Variants in ABCB10 observed in about 807,000 individuals in gnomAD.
The protein encoded by ABCB10 is ATP-binding cassette sub-family B member 10, mitochondrial.
A neutral mutation model predicts 65.4 loss-of-function variants in ABCB10; 54 were observed. The observed-to-expected ratio is 0.83, with a 90% confidence interval of 0.66 to 1.04. ABCB10 has a LOEUF of 1.04. ABCB10 is among the 50% of genes least tolerant of loss of function. The pLI is 0.00. For missense variants in ABCB10, 846 were observed against 976.6 expected, an observed-to-expected ratio of 0.87 and a Z score of 1.78; for synonymous variants, 418 against 406.5, an observed-to-expected ratio of 1.03 and a Z score of -0.34.
intron 8 of ABCB10, among the ~76,000 whole-genome samples, chr1:229,528,414 C>G (rs1397492919): frequency 2.0e-5 from 3 of 152,074 alleles, no homozygotes; most frequent in Non-Finnish European, 4.4e-5. Flanking sequence ...ATCCTCCCAC[C>G]TCTGCCTCCC....
At chr1:229,545,889 G>A (rs1264755584) in intron 3 of ABCB10, among the ~76,000 whole-genome samples, 1 of 152,158 alleles carries the variant, frequency 6.6e-6, no homozygotes. Context: ...CTTTTGTGAT[G>A]AGCCGGGCGC....
Position 229,543,274 on chromosome 1 carries a change from C to T in ABCB10, c.922-903G>A, listed in dbSNP as rs141931215. Reference sequence around the variant, plus strand: ...GCAGGATGGATCTGGGCTCAATATACTGAGGAGCTTCTAGCAATTGGAATT... The same window carrying T: ...GCAGGATGGATCTGGGCTCAATATATTGAGGAGCTTCTAGCAATTGGAATT... On this transcript the variant is annotated intron_variant, in intron 3 of 12. Transcript: ENST00000344517. Among the ~76,000 whole-genome samples, 25 of 152,200 alleles carry T rather than the reference C, an allele frequency of 1.6e-4. No individual in the cohort carries two copies. In the East Asian group the frequency reaches 4.8e-3, roughly 29 times the overall value.
chr1:229,521,536 G>A (rs1571955199), intron 11 of ABCB10, 56 bp downstream of exon 11: 1 of 1,507,678 alleles, frequency 6.6e-7, no homozygotes, highest in East Asian at 2.3e-5. Context: ...AAATTACAAG[G>A]TCCCTAATAA....
At chr1:229,539,806 G>A (rs2102698354) in intron 5 of ABCB10, among the ~76,000 whole-genome samples, 1 of 152,230 alleles carries the variant, frequency 6.6e-6, no homozygotes, top group African/African-American at 2.4e-5. Context: ...TATAAGCTAA[G>A]TCTCCCATCA....
intron 10 of ABCB10, among the ~76,000 whole-genome samples, chr1:229,522,605 T>C (rs1462949438): frequency 2.0e-5 from 3 of 152,200 alleles, no homozygotes; most frequent in East Asian, 1.9e-4. Context: ...CAGGATCTCA[T>C]AGTTGGTAAG....
At chr1:229,535,930 T>C (rs1314970037) in intron 6 of ABCB10, among the ~76,000 whole-genome samples, 1 of 152,096 alleles carries the variant, frequency 6.6e-6, no homozygotes, top group Non-Finnish European at 1.5e-5. Flanking sequence ...TTTGCCATGT[T>C]GGCCAGGCTG....
At chr1:229,526,631 A>ACC (rs1233577098) in intron 9 of ABCB10, among the ~76,000 whole-genome samples, 1 of 152,218 alleles carries the variant, frequency 6.6e-6, no homozygotes, top group Non-Finnish European at 1.5e-5. Context: ...GGATGAGCTA[A>ACC]TCACAAAGAG....
intron 1 of ABCB10, among the ~76,000 whole-genome samples, chr1:229,554,099 T>C (rs918565134): frequency 1.3e-5 from 2 of 152,230 alleles, no homozygotes; most frequent in Non-Finnish European, 2.9e-5. Context: ...CTTTGGTTTT[T>C]AGACATGTTT....
At chr1:229,534,531 G>C (rs967314710) in intron 6 of ABCB10, among the ~76,000 whole-genome samples, 1 of 151,742 alleles carries the variant, frequency 6.6e-6, no homozygotes, top group South Asian at 2.1e-4. Flanking sequence ...TTCAAGACCA[G>C]CCTGGCCAAC....
At position 229,530,239 on chromosome 1, in the gene ABCB10, T is replaced by C. The variant is rs1327136750; in HGVS notation, c.1605A>G (p.Thr535=). ...LVGPSGSGKS[T]VLSLLLRLYD... is the part of the protein sequence containing the mutation. ...ACAACCTCAGCAGGAGTGAAAGCACTGTTGATTTGCCAGAACCACTTGGGC... is the reference window on the plus strand; with the variant it reads ...ACAACCTCAGCAGGAGTGAAAGCACCGTTGATTTGCCAGAACCACTTGGGC... The change falls in exon 8 of 13, where the codon ACA becomes ACG. Residue 535 remains threonine (T), a synonymous_variant. Coordinates refer to ENST00000344517, the MANE Select transcript of ABCB10 (RefSeq NM_012089.3). 1 of 1,614,112 alleles carries C rather than the reference T, an allele frequency of 6.2e-7. No homozygotes were observed. Among genetic ancestry groups the C allele is most frequent in the Non-Finnish European group, 8.5e-7 (1 of 1,180,014 alleles).
chr1:229,553,273 G>A (rs1663162006), intron 1 of ABCB10, among the ~76,000 whole-genome samples: 2 of 152,096 alleles, frequency 1.3e-5, no homozygotes, highest in African/African-American at 4.8e-5. Flanking sequence ...ACTATGCCTG[G>A]CTAATTTTGT....
intron 9 of ABCB10, 109 bp from the exon 10 acceptor site, chr1:229,526,225 G>C: frequency 1.7e-6 from 2 of 1,155,686 alleles, no homozygotes; most frequent in Non-Finnish European, 2.4e-6. Context: ...CCATGAACAG[G>C]ATTTTATCAT....
Position 229,539,544 on chromosome 1 carries a change from T to C in ABCB10, c.1251A>G (p.Gly417=). Residue 417 remains glycine (G), a synonymous_variant, in exon 6 of 13, where the codon GGA becomes GGG. Transcript: ENST00000344517. The stretch of plus-strand genomic sequence containing the variant: ...TGTGGGCACTGCCCATCAGCAGCCC[T>C]CCTTTGTACAGGACAGAAAGCACGA... ...NLIVLSVLYK[G]GLLMGSAHMT... is the part of the protein sequence containing the mutation. The C allele has an allele frequency of 6.2e-7, 1 of 1,614,070 alleles. No homozygotes were observed. The highest frequency in any genetic ancestry group is 1.7e-4 in the Middle Eastern group (1 of 6,052).
At chr1:229,532,326 C>G (rs1662605927) in intron 6 of ABCB10, among the ~76,000 whole-genome samples, 1 of 152,136 alleles carries the variant, frequency 6.6e-6, no homozygotes, top group South Asian at 2.1e-4. Context: ...ACTCATCAAC[C>G]ACTGGATTAA....
intron 10 of ABCB10, among the ~76,000 whole-genome samples, chr1:229,523,289 T>A (rs1011420139): frequency 6.6e-6 from 1 of 152,244 alleles, no homozygotes; most frequent in African/African-American, 2.4e-5. Flanking sequence ...TCCTAAGTCA[T>A]ACTTGGAAAG....
At chr1:229,535,525 A>G (rs1317974592) in intron 6 of ABCB10, among the ~76,000 whole-genome samples, 2 of 152,248 alleles carry the variant, frequency 1.3e-5, no homozygotes, top group African/African-American at 4.8e-5. Flanking sequence ...GAAAAGGCAT[A>G]ACCATGGAAA....
Position 229,526,023 on chromosome 1 carries a change from C to A in ABCB10, c.1819G>T (p.Ala607Ser). 1 of 1,614,190 alleles carries A rather than the reference C, an allele frequency of 6.2e-7. No individual in the cohort carries two copies. Among genetic ancestry groups the A allele is most frequent in the Non-Finnish European group, 8.5e-7 (1 of 1,180,036 alleles). Residue 607 changes from alanine (A) to serine (S), a missense_variant, in exon 10 of 13, where the codon GCT becomes TCT. Coordinates refer to ENST00000344517, the MANE Select transcript of ABCB10 (RefSeq NM_012089.3). ...AAGGCCACTGCATTGGCCACTTCAG[C>A]CACTCTCTGGATTTCCTCAGCGGTC... Reference protein sequence around the residue: ...SVTAEEIQRVAEVANAVAFIR... With the variant: ...SVTAEEIQRVSEVANAVAFIR...
chr1:229,530,123 A>C (rs1264924545), intron 8 of ABCB10, 76 bp downstream of exon 8: 2 of 1,405,544 alleles, frequency 1.4e-6, no homozygotes, highest in African/African-American at 1.4e-5. Context: ...GCATGGTTTG[A>C]GCATCTCCTA....
At chr1:229,519,989 G>A (rs1418518556) in intron 11 of ABCB10, among the ~76,000 whole-genome samples, 1 of 151,398 alleles carries the variant, frequency 6.6e-6, no homozygotes, top group African/African-American at 2.4e-5. Flanking sequence ...TAAATTAGCT[G>A]GGTTTGGTAT....
Sources: gnomAD v4.1 joint callset for allele counts (sites outside exome capture counted in the v4.1 genomes callset) on GRCh38, gnomAD v4.1.1 for gene constraint, MANE v1.5 for transcripts, NCBI Gene and HGNC (gene_info 2026-07-23, HGNC 2026-07-21) for gene names.